Variants in DYM observed in about 807,000 individuals in gnomAD.
DYM encodes dymeclin.
DYM carries 78 observed loss-of-function variants against 93.1 expected under a neutral mutation model. The ratio of observed to expected loss-of-function variants is 0.84; its 90% CI spans 0.70 to 1.01. The LOEUF (loss-of-function observed/expected upper bound fraction) is 1.01, where lower values mean the gene tolerates loss of function less well. DYM is among the 50% of genes least tolerant of loss of function. The pLI, the probability that DYM is intolerant of heterozygous loss-of-function variation, is 0.00. For synonymous variants in DYM, 321 were observed against 319.7 expected (o/e 1.00, Z -0.04); for missense variants, 789 against 845.0 (o/e 0.93, Z 0.82).
At chr18:49,327,062 G>GGA (rs1267374467) in intron 8 of DYM, among the ~76,000 whole-genome samples, 1 of 112,724 alleles carries the variant, frequency 8.9e-6, no homozygotes, top group African/African-American at 3.4e-5. Context: ...AGAGAAAGGG[G>GGA]GAGAGAGAGA....
At chr18:49,284,085 T>A (rs2095058668) in intron 9 of DYM, among the ~76,000 whole-genome samples, 1 of 152,186 alleles carries the variant, frequency 6.6e-6, no homozygotes, top group Non-Finnish European at 1.5e-5. Context: ...AGGAAGATTC[T>A]AGACACACTA....
chr18:49,444,930 T>C (rs572333306), intron 1 of DYM, among the ~76,000 whole-genome samples: 121 of 152,150 alleles, frequency 8.0e-4, no homozygotes, highest in Non-Finnish European at 1.3e-3. Context: ...CATTAATAGG[T>C]GGTTAATGCT....
intron 6 of DYM, among the ~76,000 whole-genome samples, chr18:49,360,119 A>G (rs905257965): frequency 6.6e-6 from 1 of 152,202 alleles, no homozygotes; most frequent in African/African-American, 2.4e-5. Context: ...AATGTTTGAT[A>G]TATTACAACA....
In DYM at chr18:49,199,686, G is replaced by C. The variant is rs1019147338; in HGVS notation, c.1625+9865C>G. On this transcript the variant is annotated intron_variant, in intron 14 of 17. Transcript: ENST00000675505. ...ATATGCATGAAAAATTATTACTATAGCTTCAAGTATTTATTCATTACAGAT... is the reference window on the plus strand; with the variant it reads ...ATATGCATGAAAAATTATTACTATACCTTCAAGTATTTATTCATTACAGAT... Among the ~76,000 whole-genome samples, 4 of 152,292 alleles carry C rather than the reference G, an allele frequency of 2.6e-5. No individual in the cohort carries two copies. In the East Asian group the frequency reaches 7.7e-4, roughly 29 times the overall value.
chr18:49,237,903 C>CTTTTTTTTTTTTTTTTTTTTTT, intron 13 of DYM, among the ~76,000 whole-genome samples: 1 of 144,916 alleles, frequency 6.9e-6, no homozygotes, highest in Non-Finnish European at 1.5e-5. Context: ...GTACCTTACT[C>CTTTTTTTTTTTTTTTTTTTTTT]TTTTTTTTTT....
chr18:49,363,092 C>T (rs1302361101), intron 6 of DYM, 69 bp downstream of exon 6: 20 of 1,311,138 alleles, frequency 1.5e-5, no homozygotes, highest in Non-Finnish European at 1.8e-5. Context: ...ACAAACTTCT[C>T]AACATGATCA....
At chr18:49,350,733 A>AAAAAAAAAAC (rs1568298353) in intron 6 of DYM, among the ~76,000 whole-genome samples, 1 of 151,510 alleles carries the variant, frequency 6.6e-6, no homozygotes, top group African/African-American at 2.4e-5. Flanking sequence ...AAAGAAAAAA[A>AAAAAAAAAAC]AAAAAAAAAC....
intron 5 of DYM, among the ~76,000 whole-genome samples, chr18:49,366,745 C>T (rs752608344): frequency 2.2e-4 from 34 of 152,190 alleles, no homozygotes; most frequent in Non-Finnish European, 4.6e-4. Context: ...TAACAGCAAA[C>T]ATTTACCAAG....
At chr18:49,261,783 C>T (rs1176208130) in intron 11 of DYM, among the ~76,000 whole-genome samples, 2 of 151,986 alleles carry the variant, frequency 1.3e-5, no homozygotes, top group Non-Finnish European at 2.9e-5. Flanking sequence ...TTCACATTAC[C>T]AACTGTTAAT....
intron 17 of DYM, among the ~76,000 whole-genome samples, chr18:49,078,919 C>T (rs2145092277): frequency 6.6e-6 from 1 of 152,324 alleles, no homozygotes; most frequent in East Asian, 1.9e-4. Context: ...TCTCTGACTT[C>T]TAATGAGAAG....
chr18:49,333,619 G>C, intron 7 of DYM, 109 bp downstream of exon 7: 2 of 1,230,852 alleles, frequency 1.6e-6, no homozygotes, highest in Non-Finnish European at 2.4e-6. Flanking sequence ...AGAACAACTA[G>C]AGGAAATACC....
At chr18:49,397,617 G>A (rs1198220761) in intron 2 of DYM, among the ~76,000 whole-genome samples, 1 of 152,304 alleles carries the variant, frequency 6.6e-6, no homozygotes, top group Non-Finnish European at 1.5e-5. Context: ...TGCTGGTGAA[G>A]TGCACTTTTT....
chr18:49,236,462 AGAG>A (rs1568075040), intron 13 of DYM, among the ~76,000 whole-genome samples: 9 of 147,924 alleles, frequency 6.1e-5, no homozygotes. Context: ...CCTGGGCGAC[AGAG>A]CGAGACTCTG....
At chr18:49,292,147 A>G (rs2060153300) in intron 8 of DYM, among the ~76,000 whole-genome samples, 2 of 152,130 alleles carry the variant, frequency 1.3e-5, no homozygotes, top group South Asian at 4.1e-4. Context: ...TACTGAATAA[A>G]TTGCACAAAC....
chr18:49,102,816 T>A (rs1012274026), intron 16 of DYM, among the ~76,000 whole-genome samples: 1 of 152,230 alleles, frequency 6.6e-6, no homozygotes, highest in Non-Finnish European at 1.5e-5. Context: ...AGTCTATCAT[T>A]GATGGACATT....
intron 14 of DYM, among the ~76,000 whole-genome samples, chr18:49,195,451 T>A (rs924277726): frequency 6.6e-6 from 1 of 152,210 alleles, no homozygotes. Context: ...CAATAAATTA[T>A]AGTTAACCAT....
chr18:49,216,645 G>T (rs1328773175), intron 13 of DYM, among the ~76,000 whole-genome samples: 1 of 152,178 alleles, frequency 6.6e-6, no homozygotes, highest in Non-Finnish European at 1.5e-5. Context: ...GGCAAACAGG[G>T]TCTGGAGTGG....
chr18:49,420,793 A>G (rs1258035226), intron 2 of DYM, among the ~76,000 whole-genome samples: 1 of 152,126 alleles, frequency 6.6e-6, no homozygotes, highest in African/African-American at 2.4e-5. Context: ...AGCACCTGGA[A>G]AATCAGGTCA....
At chr18:49,193,011 G>T (rs2091124071) in intron 14 of DYM, among the ~76,000 whole-genome samples, 2 of 151,988 alleles carry the variant, frequency 1.3e-5, no homozygotes, top group Non-Finnish European at 2.9e-5. Flanking sequence ...GAATATAATT[G>T]TTATATACAT....
Sources: allele counts gnomAD v4.1 joint callset (sites outside exome capture counted in the v4.1 genomes callset), GRCh38; gene constraint gnomAD v4.1.1; transcripts MANE v1.5; gene names NCBI Gene and HGNC (gene_info 2026-07-23, HGNC 2026-07-21).